TTC28: variants seen among roughly 807,000 people sequenced by gnomAD.
TTC28 encodes the protein tetratricopeptide repeat domain 28.
TTC28 carries 61 observed loss-of-function variants against 198.0 expected under a neutral mutation model. That is an observed-to-expected ratio of 0.31 (90% confidence interval 0.25 to 0.38). The LOEUF (loss-of-function observed/expected upper bound fraction) is 0.38, where lower values mean the gene tolerates loss of function less well. Ranked by LOEUF, TTC28 falls within the 10% of genes least tolerant of loss-of-function variation. TTC28 has a pLI of 1.00. For synonymous variants in TTC28, 1,171 were observed against 1,297.8 expected (o/e 0.90, Z 2.10); for missense variants, 2,678 against 3,164.0 (o/e 0.85, Z 3.69).
Position 28,107,312 on chromosome 22 carries a change from T to A in TTC28, c.2533A>T (p.Met845Leu). The change falls in exon 7 of 23, where the codon ATG becomes TTG. Residue 845 changes from methionine to leucine, a missense_variant. Met to Leu is a conservative substitution (Grantham distance 15). This residue lies in a region of TTC28 where 775 missense variants were observed against 845.9 expected (regional missense o/e 0.92). Transcript: ENST00000397906. Reference sequence around the variant, plus strand: ...GCTTCTTCCATCACATTCATGTTCATCTTTGTGATGCCCATGTTGCCATAG... The same window carrying A: ...GCTTCTTCCATCACATTCATGTTCAACTTTGTGATGCCCATGTTGCCATAG... ...QVYGNMGITK[M>L]NMNVMEEAIG... 6.4e-7 allele frequency: 1 copy of A among 1,551,908 alleles called. No homozygotes were observed. Among genetic ancestry groups the A allele is most frequent in the Non-Finnish European group, 8.7e-7 (1 of 1,147,032 alleles).
intron 5 of TTC28, among the ~76,000 whole-genome samples, chr22:28,164,459 G>C (rs543626475): frequency 4.5e-4 from 69 of 152,250 alleles, no homozygotes; most frequent in Non-Finnish European, 7.4e-4. Flanking sequence ...CCAGAGGAAC[G>C]ATCAGGCAGC....
chr22:28,134,268 G>A (rs1294303100), intron 6 of TTC28, among the ~76,000 whole-genome samples: 2 of 152,180 alleles, frequency 1.3e-5, no homozygotes, highest in African/African-American at 4.8e-5. Context: ...AAAAAACAGA[G>A]CAGAAAAGCT....
chr22:28,069,028 C>T (rs1239582875), intron 12 of TTC28, among the ~76,000 whole-genome samples: 1 of 152,096 alleles, frequency 6.6e-6, no homozygotes, highest in Non-Finnish European at 1.5e-5. Flanking sequence ...GGGGAATACC[C>T]AGTACTCAGA....
At chr22:28,553,129 G>T (rs974652558) in intron 2 of TTC28, among the ~76,000 whole-genome samples, 1 of 152,188 alleles carries the variant, frequency 6.6e-6, no homozygotes, top group Non-Finnish European at 1.5e-5. Flanking sequence ...CGTGATCTCC[G>T]CTCGCTGCAA....
intron 2 of TTC28, among the ~76,000 whole-genome samples, chr22:28,331,963 T>C (rs1384052756): frequency 6.6e-6 from 1 of 152,120 alleles, no homozygotes; most frequent in Admixed American, 6.6e-5. Context: ...TTGCATCAAC[T>C]TTCTGAAACT....
At chr22:28,120,133 C>A (rs906283175) in intron 6 of TTC28, among the ~76,000 whole-genome samples, 1 of 152,066 alleles carries the variant, frequency 6.6e-6, no homozygotes, top group African/African-American at 2.4e-5. Context: ...ATACAAAATT[C>A]TCTTTTGGTG....
Position 27,998,944 on chromosome 22 carries a change from G to A in TTC28, c.4715C>T (p.Ser1572Phe). The A allele has an allele frequency of 1.3e-6, 2 of 1,550,808 alleles. No homozygotes were observed. Among genetic ancestry groups the A allele is most frequent in the Non-Finnish European group, 1.7e-6 (2 of 1,146,964 alleles). The stretch of plus-strand genomic sequence containing the variant: ...AGGGATCGTGTAGGGGTGGCCGAAG[G>A]AGCTCTTGCTGCTGGCAGGGTTGCC... ...MDGNPASSKS[S>F]FGHPYTIPES... is the part of the protein sequence containing the mutation. The change falls in exon 16 of 23, where the codon TCC becomes TTC. Residue 1572 changes from serine to phenylalanine, a missense_variant. By Grantham distance (155) the Ser-to-Phe change is radical. Around this residue, in one of 8 missense-constraint regions of TTC28, gnomAD observed 727 missense variants for 861.9 expected, o/e 0.84. Coordinates refer to ENST00000397906, the MANE Select transcript of TTC28 (RefSeq NM_001145418.2).
At chr22:28,379,129 T>C (rs1186861132) in intron 2 of TTC28, among the ~76,000 whole-genome samples, 3 of 152,154 alleles carry the variant, frequency 2.0e-5, no homozygotes, top group African/African-American at 7.2e-5. Context: ...GAAAGAAATC[T>C]CTAGACCTAG....
At chr22:28,337,936 C>A (rs537731900) in intron 2 of TTC28, among the ~76,000 whole-genome samples, 1 of 152,100 alleles carries the variant, frequency 6.6e-6, no homozygotes, top group Non-Finnish European at 1.5e-5. Flanking sequence ...TTTCTAGCCT[C>A]GATGGTCTTT....
chr22:28,145,199 G>A (rs565520004), intron 6 of TTC28, among the ~76,000 whole-genome samples: 9 of 152,254 alleles, frequency 5.9e-5, no homozygotes, highest in South Asian at 2.1e-4. Context: ...TCATTAAAGC[G>A]TTTTCACATT....
chr22:28,440,769 C>A (rs2047607429), intron 2 of TTC28, among the ~76,000 whole-genome samples: 1 of 152,188 alleles, frequency 6.6e-6, no homozygotes. Context: ...ATGATCTGAT[C>A]ATGTGAGTAT....
chr22:28,669,416 T>G (rs977181295), intron 1 of TTC28, among the ~76,000 whole-genome samples: 6 of 152,056 alleles, frequency 3.9e-5, no homozygotes, highest in Non-Finnish European at 4.4e-5. Flanking sequence ...GGGAAGAATA[T>G]TCCCAGAAGT....
At chr22:28,207,081 C>A (rs1400428079) in intron 5 of TTC28, among the ~76,000 whole-genome samples, 1 of 151,440 alleles carries the variant, frequency 6.6e-6, no homozygotes, top group Non-Finnish European at 1.5e-5. Flanking sequence ...TTAGATTGTC[C>A]CAGCTGAGGA....
intron 5 of TTC28, among the ~76,000 whole-genome samples, chr22:28,255,074 TGAAACCCCTGAGTTTCTTCACCAG>T (rs1930802341): frequency 6.6e-6 from 1 of 152,194 alleles, no homozygotes; most frequent in South Asian, 2.1e-4. Context: ...CCTCAACTGG[TGAAACCCCTGAGTTTCTTCACCAG>T]AAGCAAATGC....
At position 28,108,003 on chromosome 22, in the gene TTC28, G is replaced by A. The variant is rs1942369668; in HGVS notation, c.1842C>T (p.Ala614=). 1 of 1,551,438 alleles carries A rather than the reference G, an allele frequency of 6.4e-7. No homozygotes were observed. The highest frequency in any genetic ancestry group is 8.7e-7 in the Non-Finnish European group (1 of 1,146,996). The change falls in exon 7 of 23, where the codon GCC becomes GCT. Residue 614 remains alanine (A), a synonymous_variant. Transcript: ENST00000397906. ...HCSRGEYVQA[A]PYYEQYLRLA... ...GCCGGAGGTACTGTTCATAATAGGG[G>A]GCAGCCTGGACATACTCTCCCCGAG...
intron 2 of TTC28, among the ~76,000 whole-genome samples, chr22:28,532,193 A>C (rs2049155461): frequency 6.6e-6 from 1 of 152,182 alleles, no homozygotes; most frequent in Non-Finnish European, 1.5e-5. Flanking sequence ...GAGAAGAATC[A>C]AATAGACACA....
intron 5 of TTC28, among the ~76,000 whole-genome samples, chr22:28,244,029 A>G (rs1929895623): frequency 6.6e-6 from 1 of 152,228 alleles, no homozygotes; most frequent in Admixed American, 6.5e-5. Flanking sequence ...TTTATTTTGC[A>G]GAATCTAAGA....
chr22:28,340,381 C>G (rs2045810520), intron 2 of TTC28, among the ~76,000 whole-genome samples: 1 of 151,600 alleles, frequency 6.6e-6, no homozygotes, highest in Non-Finnish European at 1.5e-5. Context: ...CCTCCAAATT[C>G]ACTATAATTT....
At position 28,001,525 on chromosome 22, in the gene TTC28, C is replaced by G. The variant is rs529545214; in HGVS notation, c.4247G>C (p.Gly1416Ala). Residue 1416 changes from glycine (G) to alanine (A), a missense_variant, in exon 15 of 23, where the codon GGC becomes GCC. Transcript: ENST00000397906. ...AACCAGGATGAGCTGCCGGTGCCGGCCCACGGGGCCGCTGGAGTGCATCAG... is the reference window on the plus strand; with the variant it reads ...AACCAGGATGAGCTGCCGGTGCCGGGCCACGGGGCCGCTGGAGTGCATCAG... ...GGLMHSSGPV[G>A]RHRQLILVLE... 6.4e-7 allele frequency: 1 copy of G among 1,551,196 alleles called. No individual in the cohort carries two copies. Among genetic ancestry groups the G allele is most frequent in the Admixed American group, 2.0e-5 (1 of 51,012 alleles).
Sources: gnomAD v4.1 joint callset for allele counts (sites outside exome capture counted in the v4.1 genomes callset) on GRCh38, gnomAD v4.1.1 for gene constraint, gnomAD v4.1.1 regional missense constraint, MANE v1.5 for transcripts, NCBI Gene and HGNC (gene_info 2026-07-23, HGNC 2026-07-21) for gene names.